The following GALNT13 variants were observed in gnomAD, a reference collection of about 807,000 sequenced individuals.
GALNT13 encodes UDP-GalNAc:polypeptide N-acetylgalactosaminyltransferase 13.
Under a neutral mutation model 64.2 loss-of-function variants are expected in GALNT13, and 28 were observed. That is an observed-to-expected ratio of 0.44 (90% CI 0.32 to 0.60). The LOEUF is 0.60. Among genes scored for constraint, GALNT13 ranks in the 20% least tolerant of loss-of-function variants. The pLI, the probability that GALNT13 is intolerant of heterozygous loss-of-function variation, is 0.05. For missense variants in GALNT13, 577 were observed against 669.8 expected (o/e 0.86, Z 1.53); for synonymous variants, 214 against 224.6 (o/e 0.95, Z 0.42).
chr2:153,403,905 G>A, the GALNT13 span, among the ~76,000 whole-genome samples: 1 of 152,152 alleles, frequency 6.6e-6, no homozygotes, highest in African/African-American at 2.4e-5. Flanking sequence ...CGCTCACACT[G>A]GTAGCTGTAG....
chr2:153,703,276 A>C, the GALNT13 span, among the ~76,000 whole-genome samples: 2 of 152,068 alleles, frequency 1.3e-5, no homozygotes, highest in Non-Finnish European at 2.9e-5. Flanking sequence ...ATATAATCTT[A>C]ATTTTTTAAT....
the GALNT13 span, among the ~76,000 whole-genome samples, chr2:153,671,894 T>C: frequency 2.2e-3 from 335 of 152,002 alleles, no homozygotes; most frequent in African/African-American, 7.7e-3. Flanking sequence ...AAAGCAGGGG[T>C]TGCAATCCTG....
the GALNT13 span, among the ~76,000 whole-genome samples, chr2:153,346,916 T>G: frequency 2.1e-4 from 32 of 152,192 alleles, no homozygotes; most frequent in African/African-American, 7.5e-4. Context: ...ATAATTTGTA[T>G]AAGATCATAC....
At chr2:153,150,121 CTT>C in the GALNT13 span, among the ~76,000 whole-genome samples, 2 of 151,932 alleles carry the variant, frequency 1.3e-5, no homozygotes, top group African/African-American at 4.8e-5. Context: ...AATTAGTTCT[CTT>C]TTTCTTCAAA....
intron 12 of GALNT13, among the ~76,000 whole-genome samples, chr2:154,448,116 T>G (rs919644287): frequency 6.6e-6 from 1 of 152,054 alleles, no homozygotes; most frequent in African/African-American, 2.4e-5. Flanking sequence ...AGATGATGTT[T>G]CCTTGTAACA....
At chr2:154,411,196 T>C (rs1481470843) in intron 11 of GALNT13, among the ~76,000 whole-genome samples, 1 of 151,778 alleles carries the variant, frequency 6.6e-6, no homozygotes, top group East Asian at 1.9e-4. Flanking sequence ...AAGAAAGTGA[T>C]CAAATAATAA....
At chr2:154,129,021 A>T (rs1258432070) in intron 3 of GALNT13, among the ~76,000 whole-genome samples, 1 of 152,252 alleles carries the variant, frequency 6.6e-6, no homozygotes, top group South Asian at 2.1e-4. Context: ...ACAAATATTT[A>T]TTAGCCTTAT....
intron 8 of GALNT13, among the ~76,000 whole-genome samples, chr2:154,299,482 A>G (rs1407191082): frequency 6.9e-6 from 1 of 145,196 alleles, no homozygotes; most frequent in Non-Finnish European, 1.5e-5. Flanking sequence ...TTTGAGACAG[A>G]GTCTCACTCT....
the GALNT13 span, among the ~76,000 whole-genome samples, chr2:153,205,634 A>G: frequency 9.0e-3 from 1,377 of 152,224 alleles, 5 homozygotes; most frequent in Non-Finnish European, 0.015. Context: ...GTCCAATCCA[A>G]TGAATTCTTT....
the GALNT13 span, among the ~76,000 whole-genome samples, chr2:153,736,565 G>A: frequency 1.2e-4 from 19 of 152,060 alleles, no homozygotes; most frequent in Non-Finnish European, 2.6e-4. Context: ...ACATGTATAT[G>A]TTCATGTATA....
At chr2:154,372,452 T>A (rs544932557) in intron 9 of GALNT13, among the ~76,000 whole-genome samples, 1 of 152,226 alleles carries the variant, frequency 6.6e-6, no homozygotes, top group Non-Finnish European at 1.5e-5. Context: ...TAAGTTTGCA[T>A]TCAGATATCT....
the GALNT13 span, among the ~76,000 whole-genome samples, chr2:153,406,470 C>A: frequency 3.9e-4 from 59 of 151,934 alleles, no homozygotes; most frequent in African/African-American, 1.4e-3. Context: ...TGCAGTGGTC[C>A]GATCCTGGCT....
chr2:153,698,448 C>T, the GALNT13 span, among the ~76,000 whole-genome samples: 4 of 152,110 alleles, frequency 2.6e-5, no homozygotes, highest in African/African-American at 9.7e-5. Context: ...CAATCCTAGT[C>T]TCTGACAAAA....
chr2:154,367,223 ACTAT>A (rs1184547919), intron 9 of GALNT13, among the ~76,000 whole-genome samples: 20 of 152,206 alleles, frequency 1.3e-4, no homozygotes, highest in Admixed American at 2.0e-4. Context: ...TCTAAAAATA[ACTAT>A]CAGGGAACAA....
chr2:154,314,969 C>CATCTG (rs1386776848), intron 9 of GALNT13, among the ~76,000 whole-genome samples: 1 of 152,116 alleles, frequency 6.6e-6, no homozygotes, highest in Non-Finnish European at 1.5e-5. Context: ...TTTGAGTTCA[C>CATCTG]ATCTGGAATG....
At chr2:154,043,434 A>ATATATATG (rs1699106428) in intron 3 of GALNT13, among the ~76,000 whole-genome samples, 1 of 115,738 alleles carries the variant, frequency 8.6e-6, no homozygotes, top group African/African-American at 3.4e-5. Flanking sequence ...ATATATATAT[A>ATATATATG]TATATATATA....
At chr2:154,257,479 G>A (rs756780710) in intron 7 of GALNT13, 2 of 152,118 alleles carry the variant, frequency 1.3e-5, no homozygotes, top group Non-Finnish European at 2.9e-5. Context: ...TTGCCATAGT[G>A]TTCCAAAACC....
At chr2:153,771,212 G>T in the GALNT13 span, among the ~76,000 whole-genome samples, 4 of 152,216 alleles carry the variant, frequency 2.6e-5, no homozygotes, top group South Asian at 8.3e-4. Flanking sequence ...TCCTAATCTG[G>T]TTGGGGGGCA....
the GALNT13 span, among the ~76,000 whole-genome samples, chr2:153,624,477 T>C: frequency 6.6e-6 from 1 of 152,074 alleles, no homozygotes. Context: ...GATCACTTAA[T>C]ACACCTTGGC....
Sources: allele counts gnomAD v4.1 joint callset (sites outside exome capture counted in the v4.1 genomes callset), GRCh38; gene constraint gnomAD v4.1.1; transcripts MANE v1.5; gene names NCBI Gene and HGNC (gene_info 2026-07-23, HGNC 2026-07-21).